KLHL40: variants seen among roughly 807,000 people sequenced by gnomAD.
KLHL40 encodes the protein kelch like family member 40, also known as kelch-like protein 40.
In KLHL40, 44 loss-of-function variants were observed where a neutral mutation model predicts 49.7. The observed-to-expected ratio is 0.89, with a 90% CI of 0.70 to 1.14. The LOEUF is 1.14. KLHL40 is among the 50% of genes most tolerant of loss of function. The probability of loss-of-function intolerance (pLI) is 0.00; values close to 1 mark genes in which losing one functional copy is unlikely to be tolerated. For synonymous variants in KLHL40, 409 were observed against 365.2 expected, an observed-to-expected ratio of 1.12 and a Z score of -1.37; for missense variants, 892 against 850.3, an observed-to-expected ratio of 1.05 and a Z score of -0.61.
Position 42,688,999 on chromosome 3 carries a change from G to T in KLHL40, c.1552G>T (p.Val518Phe), listed in dbSNP as rs1697321354. The change falls in exon 4 of 6, where the codon GTC (valine) becomes TTC (phenylalanine). Residue 518 changes from valine (V) to phenylalanine (F), a missense_variant. Val to Phe is a conservative substitution (Grantham distance 50). Coordinates refer to ENST00000287777, the MANE Select transcript of KLHL40 (RefSeq NM_152393.4). The surrounding 1 kb of genome is among the most constrained non-coding windows in gnomAD (Gnocchi z 4.2). Reference sequence around the variant, plus strand: ...TGGCCGCATTATCGTGGCAGCTGGGGTCACCGACACAGGGCTGACCAGTTC... The same window carrying T: ...TGGCCGCATTATCGTGGCAGCTGGGTTCACCGACACAGGGCTGACCAGTTC... ...HDGRIIVAAG[V>F]TDTGLTSSAE... is the part of the protein sequence containing the mutation. 1.2e-6 allele frequency: 2 copies of T among 1,614,180 alleles called. No homozygotes were observed. Among genetic ancestry groups the T allele is most frequent in the Non-Finnish European group, 1.7e-6 (2 of 1,180,038 alleles).
Position 42,685,648 on chromosome 3 carries a change from G to A in KLHL40, c.30G>A (p.Glu10=), listed in dbSNP as rs1457751095. ...CGCTGGGCTTGGAGCAGGCGGAGGAGCAGCGGTTGTACCAGCAGACGCTCC... is the reference window on the plus strand; with the variant it reads ...CGCTGGGCTTGGAGCAGGCGGAGGAACAGCGGTTGTACCAGCAGACGCTCC... MALGLEQAE[E]QRLYQQTLLQ... Residue 10 remains glutamate, a synonymous_variant, in exon 1 of 6, where the codon GAG becomes GAA. Transcript: ENST00000287777. The A allele has an allele frequency of 1.2e-6, 2 of 1,608,074 alleles. No individual in the cohort carries two copies. Among genetic ancestry groups the A allele is most frequent in the Middle Eastern group, 1.7e-4 (1 of 6,050 alleles).
Position 42,688,017 on chromosome 3 carries a change from C to A in KLHL40, c.1153-125C>A. The A allele has an allele frequency of 9.2e-7, 1 of 1,087,012 alleles. No homozygotes were observed. The allele number at this position is 1,087,012 out of a possible 1,614,324, so 67.3% of individuals were successfully genotyped here. A position where few individuals can be genotyped will look rare whatever the true frequency, so the allele number is the denominator to read the frequency against. On this transcript the variant is annotated intron_variant, in intron 1 of 5. Coordinates refer to ENST00000287777, the MANE Select transcript of KLHL40 (RefSeq NM_152393.4). The surrounding 1 kb of genome is among the most constrained non-coding windows in gnomAD (Gnocchi z 4.2). The stretch of plus-strand genomic sequence containing the variant: ...AGGGGCACTGTTTCTCAGGGCACCT[C>A]CAGGCTGTATTGGCCCTACCTGGGT...
Position 42,686,127 on chromosome 3 carries a change from T to C in KLHL40, c.509T>C (p.Leu170Pro), listed in dbSNP as rs748385516. 2 of 1,599,120 alleles carry C rather than the reference T, an allele frequency of 1.3e-6. No homozygotes were observed. The highest frequency in any genetic ancestry group is 1.1e-5 in the South Asian group (1 of 90,998). Residue 170 changes from leucine to proline, a missense_variant, in exon 1 of 6, where the codon CTC becomes CCC. Transcript: ENST00000287777. ...FTLVARDADF[L>P]GLSADELIAI... ...CTGGTGGCGCGCGACGCTGACTTCC[T>C]CGGACTCTCGGCCGACGAGCTCATC...
intron 4 of KLHL40, among the ~76,000 whole-genome samples, chr3:42,689,577 C>T (rs957408734): frequency 4.6e-5 from 7 of 151,748 alleles, no homozygotes; most frequent in East Asian, 3.9e-4. Context: ...GGGGCTGGAG[C>T]GGGGGCCAGC....
chr3:42,690,427 G>A (rs1294294710), intron 4 of KLHL40, among the ~76,000 whole-genome samples: 1 of 152,206 alleles, frequency 6.6e-6, no homozygotes, highest in Admixed American at 6.5e-5. Context: ...AAGATACATT[G>A]AGAACAACTG....
At chr3:42,690,411 G>T (rs1369928266) in intron 4 of KLHL40, among the ~76,000 whole-genome samples, 1 of 152,220 alleles carries the variant, frequency 6.6e-6, no homozygotes, top group African/African-American at 2.4e-5. Context: ...AGGAGCCAGG[G>T]TAGCGAAGAT....
At position 42,688,522 on chromosome 3, in the gene KLHL40, T is replaced by C; in HGVS notation, c.1314-88T>C. ...GATCTGACGCATCTCGAATATGTGT[T>C]AGGTGGATGGGCGGATGGGTGCAGA... is the stretch of plus-strand genomic sequence containing the variant. On this transcript the variant is annotated intron_variant, in intron 2 of 5. Transcript: ENST00000287777. This position sits in a 1 kb window ranked among gnomAD's most constrained non-coding sequence, Gnocchi z 4.2. 2.8e-6 allele frequency: 3 copies of C among 1,076,980 alleles called. No individual in the cohort carries two copies. Among genetic ancestry groups the C allele is most frequent in the South Asian group, 1.3e-5 (1 of 76,800 alleles). The allele number at this position is 1,076,980 out of a possible 1,614,324, so 66.7% of individuals were successfully genotyped here.
intron 4 of KLHL40, among the ~76,000 whole-genome samples, chr3:42,690,348 G>A (rs1355044682): frequency 6.6e-6 from 1 of 152,236 alleles, no homozygotes; most frequent in Non-Finnish European, 1.5e-5. Flanking sequence ...CGTGTGCAGT[G>A]ACTGTGGACC....
chr3:42,690,784 T>C, intron 4 of KLHL40, 75 bp from the exon 5 acceptor site: 1 of 1,486,074 alleles, frequency 6.7e-7, no homozygotes, highest in Non-Finnish European at 9.1e-7. Context: ...GTTGGAGCTG[T>C]GGGTGCTGGG....
chr3:42,691,767 G>A (rs1575222623), intron 5 of KLHL40, 115 bp from the exon 6 acceptor site: 3 of 686,854 alleles, frequency 4.4e-6, no homozygotes, highest in East Asian at 2.6e-5. Context: ...ATTTTCAGGA[G>A]CAGATCTCCC....
Position 42,688,072 on chromosome 3 carries a change from G to A in KLHL40, c.1153-70G>A, listed in dbSNP as rs1697300210. Reference sequence around the variant, plus strand: ...GACCTCCTCCGTGATCTGGGGCAGTGGGACTGAGTGGGGCTGGGCTGAGGC... The same window carrying A: ...GACCTCCTCCGTGATCTGGGGCAGTAGGACTGAGTGGGGCTGGGCTGAGGC... On this transcript the variant is annotated intron_variant, in intron 1 of 5. Coordinates refer to ENST00000287777, the MANE Select transcript of KLHL40 (RefSeq NM_152393.4). This position sits in a 1 kb window ranked among gnomAD's most constrained non-coding sequence, Gnocchi z 4.2. The A allele has an allele frequency of 3.8e-6, 6 of 1,595,576 alleles. No individual in the cohort carries two copies. Among genetic ancestry groups the A allele is most frequent in the Non-Finnish European group, 5.1e-6 (6 of 1,166,628 alleles).
chr3:42,691,334 G>A (rs998962458), intron 5 of KLHL40, among the ~76,000 whole-genome samples: 9 of 152,076 alleles, frequency 5.9e-5, no homozygotes, highest in Non-Finnish European at 7.4e-5. Context: ...CCTGCCTTCC[G>A]GGTGCTTGGT....
In KLHL40 at chr3:42,690,978, T is replaced by C. The variant is rs1249532332; in HGVS notation, c.1727T>C (p.Val576Ala). 3 of 1,612,790 alleles carry C rather than the reference T, an allele frequency of 1.9e-6. No homozygotes were observed. The highest frequency in any genetic ancestry group is 8.5e-7 in the Non-Finnish European group (1 of 1,179,298). The change falls in exon 5 of 6, where the codon GTT (valine) becomes GCT (alanine). Residue 576 changes from valine (V) to alanine (A), a missense_variant. Transcript: ENST00000287777. ...ATLETESGEL[V>A]PTELNDIWRY... ...CTGGAGACGGAGTCTGGAGAGCTGG[T>C]TCCCACAGAGCTCAATGACATCTGG...
At chr3:42,690,467 G>A (rs903233492) in intron 4 of KLHL40, among the ~76,000 whole-genome samples, 1 of 152,146 alleles carries the variant, frequency 6.6e-6, no homozygotes, top group African/African-American at 2.4e-5. Flanking sequence ...GGATAGAGCA[G>A]GTGTGCAAGG....
Position 42,691,946 on chromosome 3 carries a change from AC to A in KLHL40, c.1821del (p.Phe608SerfsTer11). The A allele has an allele frequency of 6.2e-7, 1 of 1,613,746 alleles. No homozygotes were observed. Among genetic ancestry groups the A allele is most frequent in the Non-Finnish European group, 8.5e-7 (1 of 1,179,662 alleles). Reference sequence around the variant, plus strand: ...GGAGATCGCCTATGCAGCAGGTGCCACCTTCCTACCAGTGCGGCTCAATGTG... The same window carrying A: ...GGAGATCGCCTATGCAGCAGGTGCCACTTCCTACCAGTGCGGCTCAATGTG... Reference protein sequence around the residue: ...LREIAYAAGATFLPVRLNVLC... With the variant: ...LREIAYAAGAXFLPVRLNVLC... On this transcript the variant is annotated frameshift_variant, in exon 6 of 6. Transcript: ENST00000287777. LOFTEE classifies it high-confidence loss of function.
rs1697260724 is a variant in KLHL40, at chr3:42,685,789, CT to C, written c.173del (p.Phe58SerfsTer6). 9 of 1,612,192 alleles carry C rather than the reference CT, an allele frequency of 5.6e-6. No individual in the cohort carries two copies. Among genetic ancestry groups the C allele is most frequent in the Non-Finnish European group, 7.6e-6 (9 of 1,179,596 alleles). On this transcript the variant is annotated frameshift_variant, in exon 1 of 6. Transcript: ENST00000287777. LOFTEE classifies it high-confidence loss of function. ...RLVLAACSPYFRARFLAEPER... is the reference protein window; with the variant it reads ...RLVLAACSPYXRARFLAEPER... Reference sequence around the variant, plus strand: ...TGGTGCTGGCCGCCTGCAGCCCCTACTTCCGGGCGCGCTTTCTAGCCGAGCC... The same window carrying C: ...TGGTGCTGGCCGCCTGCAGCCCCTACTCCGGGCGCGCTTTCTAGCCGAGCC...
Position 42,686,662 on chromosome 3 carries a change from C to T in KLHL40, c.1044C>T (p.Pro348=), listed in dbSNP as rs1405659329. ...CYCASLSNQV[P]KNHVSLVTKE... is the part of the protein sequence containing the mutation. ...GTGCTTCCCTCTCCAACCAGGTCCCCAAGAACCACGTCAGCCTGGTTACCA... is the reference window on the plus strand; with the variant it reads ...GTGCTTCCCTCTCCAACCAGGTCCCTAAGAACCACGTCAGCCTGGTTACCA... Residue 348 remains proline (P), a synonymous_variant, in exon 1 of 6, where the codon CCC becomes CCT. Coordinates refer to ENST00000287777, the MANE Select transcript of KLHL40 (RefSeq NM_152393.4). 2 of 1,613,824 alleles carry T rather than the reference C, an allele frequency of 1.2e-6. No homozygotes were observed. The highest frequency in any genetic ancestry group is 1.3e-5 in the African/African-American group (1 of 74,944).
intron 1 of KLHL40, 131 bp downstream of exon 1, chr3:42,686,901 G>GAGGTTGACTGATAGCCACCTACTTGA: frequency 1.3e-6 from 1 of 759,618 alleles, no homozygotes; most frequent in Non-Finnish European, 2.1e-6. Flanking sequence ...GTAGACTGGG[G>GAGGTTGACTGATAGCCACCTACTTGA]AGGTTGACTG....
Position 42,692,430 on chromosome 3 carries a change from C to T in KLHL40, c.*437C>T. The T allele has an allele frequency of 2.3e-6, 1 of 438,622 alleles. No homozygotes were observed. The highest frequency in any genetic ancestry group is 4.2e-6 in the Non-Finnish European group (1 of 239,824). The allele number at this position is 438,622 out of a possible 1,614,324, so 27.2% of individuals were successfully genotyped here. On this transcript the variant is annotated 3_prime_UTR_variant, in exon 6 of 6. Coordinates refer to ENST00000287777, the MANE Select transcript of KLHL40 (RefSeq NM_152393.4). Reference sequence around the variant, plus strand: ...TAAAGTGCCTTCTGAGCAAGCAGCTCAGGGTCTGCATCAGTGCTCCAAGAG... The same window carrying T: ...TAAAGTGCCTTCTGAGCAAGCAGCTTAGGGTCTGCATCAGTGCTCCAAGAG...
Sources: allele counts gnomAD v4.1 joint callset (sites outside exome capture counted in the v4.1 genomes callset), GRCh38; gene constraint gnomAD v4.1.1; non-coding constraint Gnocchi (gnomAD v3.1); transcripts MANE v1.5; gene names NCBI Gene and HGNC (gene_info 2026-07-23, HGNC 2026-07-21).